The following CHD1 variants were observed in gnomAD, a reference collection of about 807,000 sequenced individuals.
CHD1 encodes the protein chromodomain helicase DNA binding protein 1.
CHD1 carries 36 observed loss-of-function variants against 224.2 expected under a neutral mutation model. The observed-to-expected ratio is 0.16, with a 90% CI of 0.12 to 0.21. CHD1 has a LOEUF of 0.21. Among genes scored for constraint, CHD1 ranks in the 10% least tolerant of loss-of-function variants. The pLI is 1.00. For missense variants in CHD1, 1,378 were observed against 1,994.8 expected, an observed-to-expected ratio of 0.69 and a Z score of 5.89; for synonymous variants, 668 against 658.3, an observed-to-expected ratio of 1.01 and a Z score of -0.23.
intron 31 of CHD1, among the ~76,000 whole-genome samples, chr5:98,864,325 T>C (rs1748693273): frequency 6.6e-6 from 1 of 151,984 alleles, no homozygotes. Context: ...GGTTTAGTTC[T>C]AGGAATATAA....
chr5:98,875,134 G>A, intron 24 of CHD1, 21 bp from the exon 25 acceptor site: 1 of 1,441,894 alleles, frequency 6.9e-7, no homozygotes, highest in Non-Finnish European at 9.7e-7. Flanking sequence ...ATAATTGTTT[G>A]GTAAATGTGA....
At chr5:98,911,352 G>C (rs1752411932) in intron 2 of CHD1, among the ~76,000 whole-genome samples, 2 of 151,618 alleles carry the variant, frequency 1.3e-5, no homozygotes, top group African/African-American at 4.9e-5. Flanking sequence ...GACACACAGA[G>C]GAGGGCTCTG....
At chr5:98,871,729 C>T (rs1749366351) in intron 28 of CHD1, among the ~76,000 whole-genome samples, 1 of 152,100 alleles carries the variant, frequency 6.6e-6, no homozygotes, top group African/African-American at 2.4e-5. Context: ...CAAATTATCA[C>T]ATGCATCCAA....
chr5:98,871,685 C>G (rs1469320550), intron 28 of CHD1, among the ~76,000 whole-genome samples: 1 of 151,946 alleles, frequency 6.6e-6, no homozygotes, highest in Non-Finnish European at 1.5e-5. Flanking sequence ...TTCCAGTTAC[C>G]CTGATTGCAT....
At chr5:98,859,674 ATTAACT>A (rs1748317132) in intron 33 of CHD1, among the ~76,000 whole-genome samples, 1 of 152,160 alleles carries the variant, frequency 6.6e-6, no homozygotes, top group Non-Finnish European at 1.5e-5. Context: ...TATTGGTGAC[ATTAACT>A]TTGATCACTT....
intron 6 of CHD1, 51 bp from the exon 7 acceptor site, chr5:98,901,133 A>T (rs765088559): frequency 1.1e-5 from 18 of 1,576,058 alleles, no homozygotes; most frequent in Non-Finnish European, 1.5e-5. Flanking sequence ...ACTATATACA[A>T]AAAGAACAAA....
chr5:98,908,531 T>A (rs1417392214), intron 2 of CHD1, among the ~76,000 whole-genome samples: 3 of 152,134 alleles, frequency 2.0e-5, no homozygotes, highest in Non-Finnish European at 4.4e-5. Flanking sequence ...CATGGATAGA[T>A]GAATAAATAA....
At chr5:98,913,566 A>AAG (rs1446341562) in intron 2 of CHD1, among the ~76,000 whole-genome samples, 1 of 152,184 alleles carries the variant, frequency 6.6e-6, no homozygotes, top group African/African-American at 2.4e-5. Flanking sequence ...GACTAACTTG[A>AAG]TGTTCTGAAG....
intron 2 of CHD1, among the ~76,000 whole-genome samples, chr5:98,918,059 ACTTT>A (rs1752856110): frequency 7.3e-6 from 1 of 136,782 alleles, no homozygotes; most frequent in African/African-American, 3.1e-5. Flanking sequence ...TCACAGAAAA[ACTTT>A]TTTTTTTTTT....
chr5:98,894,611 A>G lies in CHD1; in HGVS notation c.1786T>C (p.Leu596=), dbSNP rs776797788. Residue 596 remains leucine (L), a synonymous_variant, in exon 13 of 36, where the codon TTA becomes CTA. Coordinates refer to ENST00000614616, the MANE Select transcript of CHD1 (RefSeq NM_001270.4). ...TAAATACATACCTTATCTTTTAATA[A>G]AATTTCATAAGTTGTTAACAATATA... ...FNILLTTYEI[L]LKDKAFLGGL... 18 of 1,341,486 alleles carry G rather than the reference A, an allele frequency of 1.3e-5. No homozygotes were observed. In the African/African-American group the frequency reaches 2.2e-4, roughly 17 times the overall value. The allele number at this position is 1,341,486 out of a possible 1,614,324, so 83.1% of individuals were successfully genotyped here. A position where few individuals can be genotyped will look rare whatever the true frequency, so the allele number is the denominator to read the frequency against.
chr5:98,923,158 G>A (rs1281650712), intron 2 of CHD1, among the ~76,000 whole-genome samples: 1 of 152,118 alleles, frequency 6.6e-6, no homozygotes, highest in Non-Finnish European at 1.5e-5. Context: ...GGAAGGGAGT[G>A]GGAATTGAGT....
rs1387988248 is a variant in CHD1, at chr5:98,876,542, C to A, written c.3254G>T (p.Ser1085Ile). 2 of 1,613,644 alleles carry A rather than the reference C, an allele frequency of 1.2e-6. No individual in the cohort carries two copies. Among genetic ancestry groups the A allele is most frequent in the Non-Finnish European group, 8.5e-7 (1 of 1,179,698 alleles). Residue 1085 changes from serine to isoleucine, a missense_variant, in exon 24 of 36, where the codon AGT becomes ATT. Around this residue, in one of 16 missense-constraint regions of CHD1, gnomAD observed 286 missense variants for 445.1 expected, o/e 0.64. Coordinates refer to ENST00000614616, the MANE Select transcript of CHD1 (RefSeq NM_001270.4). ...CCTACTTCTACTGCGCCTCCCTTCACTTCCATTGAAACTAATCTGGAATTG... is the reference window on the plus strand; with the variant it reads ...CCTACTTCTACTGCGCCTCCCTTCAATTCCATTGAAACTAATCTGGAATTG... ...NCAKQISFNG[S>I]EGRRSRSRRY...
At chr5:98,922,561 C>T (rs768430445) in intron 2 of CHD1, among the ~76,000 whole-genome samples, 3 of 152,024 alleles carry the variant, frequency 2.0e-5, no homozygotes, top group African/African-American at 7.2e-5. Context: ...GTTTAATAAA[C>T]TTTCACAAAA....
chr5:98,918,056 A>G (rs1205247593), intron 2 of CHD1, among the ~76,000 whole-genome samples: 5 of 141,340 alleles, frequency 3.5e-5, no homozygotes, highest in Non-Finnish European at 6.0e-5. Context: ...AAGTCACAGA[A>G]AAACTTTTTT....
At chr5:98,909,867 G>A (rs1752278490) in intron 2 of CHD1, among the ~76,000 whole-genome samples, 1 of 152,030 alleles carries the variant, frequency 6.6e-6, no homozygotes, top group African/African-American at 2.4e-5. Context: ...TTTTCCAACA[G>A]GAAACCCTTT....
chr5:98,900,090 G>C (rs1330273123), intron 7 of CHD1, among the ~76,000 whole-genome samples: 2 of 151,964 alleles, frequency 1.3e-5, no homozygotes, highest in Non-Finnish European at 2.9e-5. Context: ...AGACCATCCT[G>C]GCTAACACGG....
At chr5:98,892,143 C>T (rs187933905) in intron 15 of CHD1, among the ~76,000 whole-genome samples, 2 of 152,262 alleles carry the variant, frequency 1.3e-5, no homozygotes, top group African/African-American at 2.4e-5. Context: ...TTTGTTAATA[C>T]TCTTCAAAAA....
intron 34 of CHD1, 161 bp downstream of exon 34, chr5:98,858,800 CATA>C (rs1748239826): frequency 6.4e-6 from 3 of 465,998 alleles, no homozygotes; most frequent in Non-Finnish European, 1.1e-5. Context: ...ATACATTTTA[CATA>C]ATAATGTAGG....
Position 98,881,894 on chromosome 5 carries a change from A to G in CHD1, c.2867+81T>C, listed in dbSNP as rs972280813. On this transcript the variant is annotated intron_variant, in intron 20 of 35. Transcript: ENST00000614616. ...GTACAACTCTGAATACATTTCCTCA[A>G]TGATCTACAGTGATGTAACATATCA... The G allele has an allele frequency of 4.2e-6, 5 of 1,194,176 alleles. No homozygotes were observed. The African/African-American group carries it at 7.7e-5, about 18-fold the overall frequency. 74.0% of individuals were successfully genotyped at this position (1,194,176 alleles called of 1,614,324 possible).
Sources: gnomAD v4.1 joint callset for allele counts (sites outside exome capture counted in the v4.1 genomes callset) on GRCh38, gnomAD v4.1.1 for gene constraint, gnomAD v4.1.1 regional missense constraint, MANE v1.5 for transcripts, NCBI Gene and HGNC (gene_info 2026-07-23, HGNC 2026-07-21) for gene names.